Variants in ATP11A observed in about 807,000 individuals in gnomAD.
ATP11A encodes phospholipid-transporting ATPase IH.
Under a neutral mutation model 154.4 loss-of-function variants are expected in ATP11A, and 81 were observed. That is an observed-to-expected ratio of 0.52 (90% CI 0.44 to 0.63). ATP11A has a LOEUF of 0.63. Ranked by LOEUF, ATP11A falls within the 30% of genes least tolerant of loss-of-function variation. The pLI is 0.00. For synonymous variants in ATP11A, 623 were observed against 585.9 expected (o/e 1.06, Z -0.91); for missense variants, 1,316 against 1,474.3 (o/e 0.89, Z 1.76).
At chr13:112,764,692 G>A (rs1011916597) in intron 1 of ATP11A, among the ~76,000 whole-genome samples, 1 of 152,236 alleles carries the variant, frequency 6.6e-6, no homozygotes, top group African/African-American at 2.4e-5. Flanking sequence ...GCATTCAAAG[G>A]GTTTGTGTCC....
At position 112,831,367 on chromosome 13, in the gene ATP11A, G is replaced by T. The variant is rs758498456; in HGVS notation, c.1222-8G>T. On this transcript the variant is annotated splice_region_variant and splice_polypyrimidine_tract_variant and intron_variant, in intron 12 of 29. Transcript: ENST00000375645. ...AGAGCGCCCTGACTTGCTGTGCCCT[G>T]CCCGCAGGTGGAGTACATCTTCACA... The T allele has an allele frequency of 6.2e-7, 1 of 1,612,960 alleles. No homozygotes were observed.
At chr13:112,749,243 C>A (rs1016164177) in intron 1 of ATP11A, among the ~76,000 whole-genome samples, 4 of 152,214 alleles carry the variant, frequency 2.6e-5, no homozygotes, top group Non-Finnish European at 5.9e-5. Flanking sequence ...CAAGCAGCAG[C>A]CAAGTGGAGA....
In ATP11A at chr13:112,838,705, C is replaced by T. The variant is rs1449028284; in HGVS notation, c.1705+2454C>T. On this transcript the variant is annotated intron_variant, in intron 16 of 29. Coordinates refer to ENST00000375645, the MANE Select transcript of ATP11A (RefSeq NM_015205.3). The surrounding 1 kb of genome is among the most constrained non-coding windows in gnomAD (Gnocchi z 7.3). ...GAGGCATTTGTGCCATGAGAATATC[C>T]CTATCCGCACTGGGACGCCTGTGGA... Among the ~76,000 whole-genome samples, 3 of 152,312 alleles carry T rather than the reference C, an allele frequency of 2.0e-5. No homozygotes were observed. The East Asian group carries it at 5.8e-4, about 29-fold the overall frequency.
chr13:112,869,182 A>G (rs2080432378), intron 25 of ATP11A, among the ~76,000 whole-genome samples: 1 of 152,242 alleles, frequency 6.6e-6, no homozygotes, highest in South Asian at 2.1e-4. Flanking sequence ...GCGTTTCAGG[A>G]TAGCTCCACA....
chr13:112,834,463 ATC>A, intron 14 of ATP11A, 124 bp from the exon 15 acceptor site: 4 of 668,736 alleles, frequency 6.0e-6, no homozygotes, highest in Middle Eastern at 3.1e-4. Context: ...GCAGTTTATA[ATC>A]TCTGTTTAAC....
rs916345968 is a variant in ATP11A, at chr13:112,697,515, T to C, written c.39+7060T>C. ...AGTGCCCTGTCCCCAGAGCCTGGTG[T>C]CCAGAGCCAGAGTTCCGAGGGCCTC... On this transcript the variant is annotated intron_variant, in intron 1 of 29. Coordinates refer to ENST00000375645, the MANE Select transcript of ATP11A (RefSeq NM_015205.3). The surrounding 1 kb of genome is among the most constrained non-coding windows in gnomAD (Gnocchi z 4.0). 1.3e-5 allele frequency among the ~76,000 whole-genome samples: 2 copies of C among 152,154 alleles called. No homozygotes were observed. The highest frequency in any genetic ancestry group is 4.8e-5 in the African/African-American group (2 of 41,446).
chr13:112,812,593 G>C lies in ATP11A; in HGVS notation c.441+1867G>C, dbSNP rs143402266. 9.8e-5 allele frequency among the ~76,000 whole-genome samples: 15 copies of C among 152,348 alleles called. No individual in the cohort carries two copies. In the East Asian group the frequency reaches 2.9e-3, roughly 29 times the overall value. Reference sequence around the variant, plus strand: ...CCTGTCCAGTGGGACGGGACCCCAGGAGGCACTCAGAGGCCCTTCAGAGGA... The same window carrying C: ...CCTGTCCAGTGGGACGGGACCCCAGCAGGCACTCAGAGGCCCTTCAGAGGA... On this transcript the variant is annotated intron_variant, in intron 5 of 29. Coordinates refer to ENST00000375645, the MANE Select transcript of ATP11A (RefSeq NM_015205.3).
At chr13:112,779,652 G>A (rs926090756) in intron 1 of ATP11A, among the ~76,000 whole-genome samples, 1 of 152,168 alleles carries the variant, frequency 6.6e-6, no homozygotes, top group South Asian at 2.1e-4. Context: ...AGTGGCTCAC[G>A]CCTGTCATCC....
chr13:112,811,163 C>CACACACACACACACACAG (rs2078486558), intron 5 of ATP11A, among the ~76,000 whole-genome samples: 1 of 123,634 alleles, frequency 8.1e-6, no homozygotes, highest in Non-Finnish European at 1.8e-5. Context: ...CCCCTTCCAA[C>CACACACACACACACACAG]ACACACACAC....
At chr13:112,708,088 G>A (rs1258537690) in intron 1 of ATP11A, among the ~76,000 whole-genome samples, 1 of 152,200 alleles carries the variant, frequency 6.6e-6, no homozygotes, top group Non-Finnish European at 1.5e-5. Context: ...GGGCTGCGAA[G>A]TTTTGCCTCA....
At chr13:112,816,303 G>A in intron 6 of ATP11A, 92 bp downstream of exon 6, 2 of 1,536,676 alleles carry the variant, frequency 1.3e-6, no homozygotes, top group Non-Finnish European at 1.8e-6. Flanking sequence ...CATCCTGTTT[G>A]AAAAGTCACC....
At chr13:112,761,325 G>C (rs886949757) in intron 1 of ATP11A, among the ~76,000 whole-genome samples, 4 of 152,188 alleles carry the variant, frequency 2.6e-5, no homozygotes, top group African/African-American at 9.7e-5. Flanking sequence ...AAAATGGTAC[G>C]CTCAGCAATC....
Position 112,859,822 on chromosome 13 carries a change from C to T in ATP11A, c.2727+370C>T, listed in dbSNP as rs764824894. Among the ~76,000 whole-genome samples, 2 of 152,214 alleles carry T rather than the reference C, an allele frequency of 1.3e-5. No homozygotes were observed. Among genetic ancestry groups the T allele is most frequent in the Non-Finnish European group, 2.9e-5 (2 of 68,038 alleles). On this transcript the variant is annotated intron_variant, in intron 23 of 29. Coordinates refer to ENST00000375645, the MANE Select transcript of ATP11A (RefSeq NM_015205.3). This position sits in a 1 kb window ranked among gnomAD's most constrained non-coding sequence, Gnocchi z 4.3. ...ACATGGGCCACCCCGGTGCCTGGCA[C>T]GTTAACACATGCAACGTGCCCATAG...
chr13:112,803,879 C>A lies in ATP11A; in HGVS notation c.163-1078C>A, dbSNP rs1446574739. 6.3e-4 allele frequency among the ~76,000 whole-genome samples: 62 copies of A among 98,640 alleles called. 1 individual carries two copies. Among genetic ancestry groups the A allele is most frequent in the Non-Finnish European group, 1.1e-3 (50 of 47,366 alleles). The allele number at this position is 98,640 out of a possible 152,430, so 64.7% of individuals were successfully genotyped here. A position where few individuals can be genotyped will look rare whatever the true frequency, so the allele number is the denominator to read the frequency against. On this transcript the variant is annotated intron_variant, in intron 2 of 29. Transcript: ENST00000375645. ...CTCCTTTTCCTCCTTGCTTCCCTTC[C>A]TTCCCTCATTCCCCTCCTTCCCTCC...
Position 112,859,515 on chromosome 13 carries a change from G to A in ATP11A, c.2727+63G>A. 1 of 1,390,016 alleles carries A rather than the reference G, an allele frequency of 7.2e-7. No individual in the cohort carries two copies. The highest frequency in any genetic ancestry group is 1.0e-6 in the Non-Finnish European group (1 of 976,428). 86.1% of individuals were successfully genotyped at this position (1,390,016 alleles called of 1,614,324 possible). ...CTTCTTTTCCTTCCCGCAGTGGGTG[G>A]CTGCTGTGGGGAGGGGAGACTTGGG... On this transcript the variant is annotated intron_variant, in intron 23 of 29. Transcript: ENST00000375645. The surrounding 1 kb of genome is among the most constrained non-coding windows in gnomAD (Gnocchi z 4.3).
At chr13:112,708,470 C>T (rs574933003) in intron 1 of ATP11A, among the ~76,000 whole-genome samples, 2 of 152,158 alleles carry the variant, frequency 1.3e-5, no homozygotes, top group South Asian at 4.2e-4. Context: ...ATTTAAAAAC[C>T]GCAAGTATAG....
intron 6 of ATP11A, among the ~76,000 whole-genome samples, chr13:112,818,131 G>T (rs562405752): frequency 6.6e-6 from 1 of 151,672 alleles, no homozygotes; most frequent in Admixed American, 6.6e-5. Flanking sequence ...CCGTTTGTGC[G>T]CTTGGTGACA....
At chr13:112,876,282 G>A (rs1335623347) in intron 28 of ATP11A, among the ~76,000 whole-genome samples, 2 of 152,084 alleles carry the variant, frequency 1.3e-5, no homozygotes, top group Non-Finnish European at 2.9e-5. Context: ...TTTTAAGGAT[G>A]GTAAATCTGG....
chr13:112,718,703 TC>T (rs1213681835), intron 1 of ATP11A, among the ~76,000 whole-genome samples: 2 of 150,984 alleles, frequency 1.3e-5, no homozygotes, highest in Admixed American at 1.3e-4. Context: ...TGAGTTTCAT[TC>T]TTGTCACCCA....
Sources: allele counts gnomAD v4.1 joint callset (sites outside exome capture counted in the v4.1 genomes callset), GRCh38; gene constraint gnomAD v4.1.1; non-coding constraint Gnocchi (gnomAD v3.1); transcripts MANE v1.5; gene names NCBI Gene and HGNC (gene_info 2026-07-23, HGNC 2026-07-21).